EPB41L3: variants seen among roughly 807,000 people sequenced by gnomAD.
The protein encoded by EPB41L3 is erythrocyte membrane protein band 4.1 like 3, also known as band 4.1-like protein 3.
A neutral mutation model predicts 127.1 loss-of-function variants in EPB41L3; 57 were observed. The ratio of observed to expected loss-of-function variants is 0.45; its 90% confidence interval spans 0.36 to 0.56. EPB41L3 has a LOEUF of 0.56. Ranked by LOEUF, EPB41L3 falls within the 20% of genes least tolerant of loss-of-function variation. The pLI is 0.00. For missense variants in EPB41L3, 1,273 were observed against 1,372.2 expected, an observed-to-expected ratio of 0.93 and a Z score of 1.14; for synonymous variants, 572 against 549.5, an observed-to-expected ratio of 1.04 and a Z score of -0.57.
intron 3 of EPB41L3, among the ~76,000 whole-genome samples, chr18:5,606,915 TGTCTCTCTCTCTCTCTCC>T (rs2094662115): frequency 6.8e-6 from 1 of 147,200 alleles, no homozygotes; most frequent in Admixed American, 6.8e-5. Context: ...TCTCTCTCTC[TGTCTCTCTCTCTCTCTCC>T]GTCTCTCTCT....
rs1173177536 is a variant in EPB41L3 at position 5,571,878 on chromosome 18, T to C, written c.-306+40462A>G. 2.0e-5 allele frequency among the ~76,000 whole-genome samples: 3 copies of C among 152,162 alleles called. No individual in the cohort carries two copies. The South Asian group carries it at 6.2e-4, about 32-fold the overall frequency. On this transcript the variant is annotated intron_variant, in intron 3 of 21. Transcript: ENST00000545076. ...TGGATAATTCTTCTCAAAAGCCCAG[T>C]TGGGAAAAATATATCCATGAAAGTA...
At chr18:5,599,638 A>C (rs1020994415) in intron 3 of EPB41L3, among the ~76,000 whole-genome samples, 1 of 151,942 alleles carries the variant, frequency 6.6e-6, no homozygotes, top group Admixed American at 6.6e-5. Context: ...AGTATGTTGC[A>C]CCTTCCCCCT....
chr18:5,461,984 G>A (rs1483508225), intron 3 of EPB41L3, among the ~76,000 whole-genome samples: 2 of 152,158 alleles, frequency 1.3e-5, no homozygotes, highest in African/African-American at 4.8e-5. Context: ...AGCACCAGAT[G>A]CCTCCTGCCA....
chr18:5,457,723 C>T (rs559988043), intron 3 of EPB41L3, among the ~76,000 whole-genome samples: 1 of 152,210 alleles, frequency 6.6e-6, no homozygotes, highest in East Asian at 1.9e-4. Flanking sequence ...TGCTACCTCA[C>T]CTCGCTCCCT....
chr18:5,489,259 T>A, intron 1 of EPB41L3, 65 bp from the exon 2 acceptor site: 1 of 1,525,998 alleles, frequency 6.6e-7, no homozygotes, highest in Non-Finnish European at 8.7e-7. Context: ...GCAAGAAAAC[T>A]AGGATGCTCA....
At chr18:5,562,139 A>G (rs115694065) in intron 3 of EPB41L3, among the ~76,000 whole-genome samples, 2,523 of 152,290 alleles carry the variant, frequency 0.017, 79 homozygotes, top group African/African-American at 0.057. Flanking sequence ...CAAAGTCTGC[A>G]TTTTGTTAAT....
rs1000989393 is a variant in EPB41L3, at chr18:5,446,697, G to T, written c.382-1453C>A. Reference sequence around the variant, plus strand: ...TCAAGCATGACTATTTAGGAGAAAAGGCAAATTTATGGTAGAAAAGTAAGG... The same window carrying T: ...TCAAGCATGACTATTTAGGAGAAAATGCAAATTTATGGTAGAAAAGTAAGG... On this transcript the variant is annotated intron_variant, in intron 3 of 22. Transcript: ENST00000341928. Among the ~76,000 whole-genome samples the T allele has an allele frequency of 5.3e-5, 8 of 152,278 alleles. 1 individual carries two copies. The highest frequency in any genetic ancestry group is 4.6e-4 in the Admixed American group (7 of 15,296).
rs1423193528 is a variant in EPB41L3 at position 5,419,894 on chromosome 18, A to G, written c.1340-17T>C. 6.8e-6 allele frequency: 11 copies of G among 1,614,036 alleles called. No individual in the cohort carries two copies. Among genetic ancestry groups the G allele is most frequent in the Non-Finnish European group, 9.3e-6 (11 of 1,180,014 alleles). ...TACCAACCTCTGCAGCAGACATAGA[A>G]TCCTTCATGTATATTTCATGGTTTT... On this transcript the variant is annotated splice_polypyrimidine_tract_variant and intron_variant, in intron 11 of 22. Transcript: ENST00000341928.
intron 13 of EPB41L3, among the ~76,000 whole-genome samples, 166 bp from the exon 14 acceptor site, chr18:5,410,785 A>C (rs2076102705): frequency 6.6e-6 from 1 of 152,164 alleles, no homozygotes; most frequent in African/African-American, 2.4e-5. Flanking sequence ...GCAAAGCAAC[A>C]GAAGGGCCAG....
At chr18:5,441,027 G>A (rs2080637627) in intron 5 of EPB41L3, among the ~76,000 whole-genome samples, 1 of 152,046 alleles carries the variant, frequency 6.6e-6, no homozygotes, top group Non-Finnish European at 1.5e-5. Context: ...ACTAACTACA[G>A]GCATGTGTCT....
At chr18:5,415,666 G>A in intron 13 of EPB41L3, 152 bp downstream of exon 13, 7 of 780,956 alleles carry the variant, frequency 9.0e-6, no homozygotes, top group Non-Finnish European at 1.4e-5. Flanking sequence ...GGCCCAGGTT[G>A]GACTCCCCAA....
At chr18:5,540,438 C>T in intron 1 of EPB41L3, 1 of 985,406 alleles carries the variant, frequency 1.0e-6, no homozygotes, top group Non-Finnish European at 1.2e-6. Flanking sequence ...TTTGCCTGCC[C>T]CACCCTTGTT....
chr18:5,623,967 A>G (rs2094894140), intron 1 of EPB41L3, among the ~76,000 whole-genome samples: 1 of 152,144 alleles, frequency 6.6e-6, no homozygotes. Context: ...AAAAAAATGT[A>G]TGAGACCATA....
At chr18:5,609,230 CT>C (rs1568642257) in intron 3 of EPB41L3, among the ~76,000 whole-genome samples, 1 of 152,108 alleles carries the variant, frequency 6.6e-6, no homozygotes, top group Non-Finnish European at 1.5e-5. Flanking sequence ...CAACTTATTT[CT>C]TTTTTTAAAT....
At chr18:5,396,120 C>T (rs543820358) in intron 19 of EPB41L3, 81 bp downstream of exon 19, 22 of 1,515,100 alleles carry the variant, frequency 1.5e-5, no homozygotes, top group South Asian at 5.7e-5. Context: ...AATTAAATAT[C>T]GTGCAGTTCT....
At chr18:5,448,106 G>C (rs1363295118) in intron 3 of EPB41L3, among the ~76,000 whole-genome samples, 3 of 152,166 alleles carry the variant, frequency 2.0e-5, no homozygotes, top group Non-Finnish European at 2.9e-5. Flanking sequence ...TCTCATCCTT[G>C]AGTGGGGATG....
intron 1 of EPB41L3, among the ~76,000 whole-genome samples, chr18:5,527,010 TA>T (rs33920388): frequency 0.22 from 30,903 of 139,576 alleles, 3,296 homozygotes; most frequent in African/African-American, 0.28. Context: ...ATTCATTGGT[TA>T]AAAAAAAAAA....
At chr18:5,629,341 G>A (rs2094960922), upstream of EPB41L3, among the ~76,000 whole-genome samples, 1 of 151,492 alleles carries the variant, frequency 6.6e-6, no homozygotes, top group Non-Finnish European at 1.5e-5. Context: ...CGGTCCCTGC[G>A]GCTCCGCCGG....
intron 1 of EPB41L3, among the ~76,000 whole-genome samples, chr18:5,511,391 G>GTTTTTTTTTTTTTTTTT (rs1190047630): frequency 1.7e-5 from 1 of 59,798 alleles, no homozygotes; most frequent in Non-Finnish European, 2.9e-5. Flanking sequence ...AGGTATTTTG[G>GTTTTTTTTTTTTTTTTT]TTTTTTTTTT....
Sources: gnomAD v4.1 joint callset for allele counts (sites outside exome capture counted in the v4.1 genomes callset) on GRCh38, gnomAD v4.1.1 for gene constraint, MANE v1.5 for transcripts, NCBI Gene and HGNC (gene_info 2026-07-23, HGNC 2026-07-21) for gene names.